Variants in RPS6KC1 observed in about 807,000 individuals in gnomAD.
RPS6KC1 encodes ribosomal protein S6 kinase C1, also known as inactive ribosomal protein S6 kinase delta-1.
Under a neutral mutation model 103.8 loss-of-function variants are expected in RPS6KC1, and 54 were observed. That is an observed-to-expected ratio of 0.52 (90% CI 0.42 to 0.65). The LOEUF (loss-of-function observed/expected upper bound fraction) is 0.65, where lower values mean the gene tolerates loss of function less well. RPS6KC1 is among the 30% of genes least tolerant of loss of function. The pLI is 0.00. For synonymous variants in RPS6KC1, 439 were observed against 438.7 expected (o/e 1.00, Z -0.01); for missense variants, 1,151 against 1,253.8 (o/e 0.92, Z 1.24).
the RPS6KC1 span, among the ~76,000 whole-genome samples, chr1:213,862,099 C>G: frequency 1.6e-3 from 248 of 152,270 alleles, 1 homozygote; most frequent in Non-Finnish European, 2.7e-3. Context: ...CAGGCAGGCA[C>G]TTAATAAGGG....
chr1:213,854,532 CTT>C, the RPS6KC1 span, among the ~76,000 whole-genome samples: 1 of 100,322 alleles, frequency 1.0e-5, no homozygotes, highest in African/African-American at 4.5e-5. Context: ...TTCTTTCTTT[CTT>C]TCTTTCTTTC....
intron 3 of RPS6KC1, among the ~76,000 whole-genome samples, chr1:213,078,814 A>AAGT (rs2079593492): frequency 6.6e-6 from 1 of 152,226 alleles, no homozygotes; most frequent in Non-Finnish European, 1.5e-5. Context: ...CAGGTTATGA[A>AAGT]AGTAGTATAT....
At chr1:213,192,133 G>A (rs2092771190) in intron 8 of RPS6KC1, among the ~76,000 whole-genome samples, 1 of 152,162 alleles carries the variant, frequency 6.6e-6, no homozygotes, top group African/African-American at 2.4e-5. Flanking sequence ...TGCATTTTCA[G>A]CATCAGTTGA....
chr1:213,603,684 C>A, the RPS6KC1 span, among the ~76,000 whole-genome samples: 1 of 151,646 alleles, frequency 6.6e-6, no homozygotes, highest in African/African-American at 2.4e-5. Context: ...ACTGGAGAAA[C>A]CCTGTCTGTA....
At chr1:213,178,666 CT>C (rs1181609021) in intron 8 of RPS6KC1, among the ~76,000 whole-genome samples, 5 of 151,908 alleles carry the variant, frequency 3.3e-5, no homozygotes, top group African/African-American at 1.2e-4. Context: ...ACTGTCTTTA[CT>C]TACTCTGTTT....
the RPS6KC1 span, among the ~76,000 whole-genome samples, chr1:213,612,639 T>A: frequency 6.6e-6 from 1 of 152,256 alleles, no homozygotes; most frequent in African/African-American, 2.4e-5. Flanking sequence ...TGTTTGAATC[T>A]TATTTTGGCA....
chr1:213,619,427 A>G, the RPS6KC1 span, among the ~76,000 whole-genome samples: 1 of 152,242 alleles, frequency 6.6e-6, no homozygotes, highest in Non-Finnish European at 1.5e-5. Flanking sequence ...GACAACACCA[A>G]GGATTGCATT....
chr1:213,367,589 A>C, the RPS6KC1 span, among the ~76,000 whole-genome samples: 1 of 152,232 alleles, frequency 6.6e-6, no homozygotes, highest in Non-Finnish European at 1.5e-5. Flanking sequence ...AGCCTTTAAA[A>C]AGATAAGGCG....
At chr1:213,766,005 C>T in the RPS6KC1 span, among the ~76,000 whole-genome samples, 1 of 152,014 alleles carries the variant, frequency 6.6e-6, no homozygotes, top group Non-Finnish European at 1.5e-5. Flanking sequence ...AATTCTCAGC[C>T]TAAGTGGACA....
At chr1:213,052,044 A>C (rs746428009) in intron 1 of RPS6KC1, among the ~76,000 whole-genome samples, 2 of 152,082 alleles carry the variant, frequency 1.3e-5, no homozygotes, top group African/African-American at 4.8e-5. Context: ...GTTTTTCAGT[A>C]GGAGACGTGA....
intron 8 of RPS6KC1, among the ~76,000 whole-genome samples, chr1:213,218,629 G>T (rs1248681432): frequency 2.0e-5 from 3 of 152,110 alleles, no homozygotes; most frequent in Admixed American, 2.0e-4. Flanking sequence ...TATACTACAA[G>T]GCTACAATAA....
the RPS6KC1 span, among the ~76,000 whole-genome samples, chr1:213,804,189 A>C: frequency 8.0e-5 from 12 of 150,172 alleles, no homozygotes; most frequent in South Asian, 2.1e-4. Flanking sequence ...AAAAAAAAAA[A>C]AAAAAAAAAC....
chr1:213,553,089 T>C, the RPS6KC1 span, among the ~76,000 whole-genome samples: 1 of 152,150 alleles, frequency 6.6e-6, no homozygotes, highest in Non-Finnish European at 1.5e-5. Context: ...AAGTTCAGTG[T>C]ACAGATAATT....
At chr1:213,134,415 T>A (rs563258675) in intron 6 of RPS6KC1, among the ~76,000 whole-genome samples, 2 of 152,084 alleles carry the variant, frequency 1.3e-5, no homozygotes, top group African/African-American at 4.8e-5. Flanking sequence ...CATTTCATAA[T>A]GTATTTCTGG....
At chr1:213,831,283 T>C in the RPS6KC1 span, among the ~76,000 whole-genome samples, 1 of 152,226 alleles carries the variant, frequency 6.6e-6, no homozygotes, top group East Asian at 1.9e-4. Context: ...ATGGGGGGAT[T>C]ATCAAGGTTG....
At chr1:213,732,358 T>A in the RPS6KC1 span, among the ~76,000 whole-genome samples, 1 of 150,518 alleles carries the variant, frequency 6.6e-6, no homozygotes, top group South Asian at 2.1e-4. Context: ...AGTGTGCGTG[T>A]GCGTGTGTGT....
intron 13 of RPS6KC1, among the ~76,000 whole-genome samples, chr1:213,262,464 C>T (rs1253562406): frequency 6.6e-6 from 1 of 152,052 alleles, no homozygotes; most frequent in Non-Finnish European, 1.5e-5. Flanking sequence ...ATATTCTGAG[C>T]CATTAATTTT....
the RPS6KC1 span, among the ~76,000 whole-genome samples, chr1:213,332,988 A>T: frequency 6.6e-6 from 1 of 152,142 alleles, no homozygotes; most frequent in Non-Finnish European, 1.5e-5. Context: ...ATCAGATGGG[A>T]CTTCTCACCA....
chr1:213,732,213 C>G, the RPS6KC1 span, among the ~76,000 whole-genome samples: 1 of 152,168 alleles, frequency 6.6e-6, no homozygotes, highest in South Asian at 2.1e-4. Flanking sequence ...TGAGCTACCC[C>G]TGATGGGGAA....
Sources: allele counts gnomAD v4.1 joint callset (sites outside exome capture counted in the v4.1 genomes callset), GRCh38; gene constraint gnomAD v4.1.1; transcripts MANE v1.5; gene names NCBI Gene and HGNC (gene_info 2026-07-23, HGNC 2026-07-21).